EVA1C: variants seen among roughly 807,000 people sequenced by gnomAD.
The protein encoded by EVA1C is protein eva-1 homolog C.
EVA1C carries 25 observed loss-of-function variants against 45.4 expected under a neutral mutation model. The observed-to-expected ratio is 0.55, with a 90% confidence interval of 0.40 to 0.77. EVA1C has a LOEUF of 0.77. Ranked by LOEUF, EVA1C falls within the 30% of genes least tolerant of loss-of-function variation. The pLI is 0.00. For synonymous variants in EVA1C, 190 were observed against 221.2 expected, an observed-to-expected ratio of 0.86 and a Z score of 1.25; for missense variants, 479 against 554.8, an observed-to-expected ratio of 0.86 and a Z score of 1.37.
rs146672860 is a variant in EVA1C at position 32,506,785 on chromosome 21, C to T, written c.949+2770C>T. Among the ~76,000 whole-genome samples, 1,030 of 152,278 alleles carry T rather than the reference C, an allele frequency of 6.8e-3. 13 individuals carry two copies. Among genetic ancestry groups the T allele is most frequent in the African/African-American group, 0.023 (974 of 41,544 alleles). ...GCAGTGGCCACCAGCCAATGTCACA[C>T]AGTGCTGAGCTCCATCCTCACTGCT... On this transcript the variant is annotated intron_variant, in intron 7 of 7. Coordinates refer to ENST00000300255, the MANE Select transcript of EVA1C (RefSeq NM_058187.5).
chr21:32,446,344 G>A (rs1378694778), intron 1 of EVA1C, among the ~76,000 whole-genome samples: 1 of 152,188 alleles, frequency 6.6e-6, no homozygotes, highest in Non-Finnish European at 1.5e-5. Context: ...TTAACAGAGT[G>A]TGCACAACTG....
chr21:32,472,189 C>T (rs893931273), intron 4 of EVA1C, among the ~76,000 whole-genome samples: 13 of 152,118 alleles, frequency 8.5e-5, no homozygotes, highest in East Asian at 5.8e-4. Flanking sequence ...GACAGACTCT[C>T]GCTCTGTCGC....
Position 32,453,308 on chromosome 21 carries a change from C to T in EVA1C, c.161-4C>T, listed in dbSNP as rs1219932634. On this transcript the variant is annotated splice_polypyrimidine_tract_variant and splice_region_variant and intron_variant, in intron 1 of 7. Coordinates refer to ENST00000300255, the MANE Select transcript of EVA1C (RefSeq NM_058187.5). ...CTCTAGTAACTCGACTGAATATTTT[C>T]CAGGTTACCTAACCAAACTCCTGCA... is the stretch of plus-strand genomic sequence containing the variant. 4.4e-6 allele frequency: 7 copies of T among 1,586,792 alleles called. No individual in the cohort carries two copies. The African/African-American group carries it at 8.1e-5, about 18-fold the overall frequency.
chr21:32,459,821 A>AC (rs1193061630), intron 3 of EVA1C, among the ~76,000 whole-genome samples: 1 of 141,606 alleles, frequency 7.1e-6, no homozygotes, highest in East Asian at 2.4e-4. Context: ...AGCCTGGGTG[A>AC]CAGAGCGAGA....
chr21:32,511,438 A>AAG (rs1555876827), intron 7 of EVA1C, among the ~76,000 whole-genome samples: 3 of 148,798 alleles, frequency 2.0e-5, no homozygotes, highest in Non-Finnish European at 3.0e-5. Context: ...AAAAAAAAAA[A>AAG]AAAGAAAGAA....
At position 32,497,304 on chromosome 21, in the gene EVA1C, A is replaced by G. The variant is rs1424743695; in HGVS notation, c.778+2134A>G. 3 of 669,164 alleles carry G rather than the reference A, an allele frequency of 4.5e-6. No individual in the cohort carries two copies. In the African/African-American group the frequency reaches 5.4e-5, roughly 12 times the overall value. The allele number at this position is 669,164 out of a possible 1,614,324, so 41.5% of individuals were successfully genotyped here. On this transcript the variant is annotated intron_variant, in intron 5 of 7. Coordinates refer to ENST00000300255, the MANE Select transcript of EVA1C (RefSeq NM_058187.5). ...AGAAAACAAATCTCCAGATTGGCAG[A>G]AAGTTGATATAGGTGGACTTTTTTA...
At position 32,461,380 on chromosome 21, in the gene EVA1C, A is replaced by G. The variant is rs550297596; in HGVS notation, c.481+3660A>G. On this transcript the variant is annotated intron_variant, in intron 3 of 7. Coordinates refer to ENST00000300255, the MANE Select transcript of EVA1C (RefSeq NM_058187.5). ...CTGGCTGCCCCATAGAGAGCAGATG[A>G]GAGACAGAGCCCCTGTGTAACCTGA... Among the ~76,000 whole-genome samples, 28 of 152,280 alleles carry G rather than the reference A, an allele frequency of 1.8e-4. 1 individual carries two copies. In the South Asian group the frequency reaches 5.8e-3, roughly 32 times the overall value.
intron 7 of EVA1C, among the ~76,000 whole-genome samples, chr21:32,514,595 C>T (rs1413329309): frequency 6.6e-6 from 1 of 152,134 alleles, no homozygotes; most frequent in Non-Finnish European, 1.5e-5. Flanking sequence ...GTGTTTTTCT[C>T]CTACACATAC....
At chr21:32,433,553 G>T (rs200547968) in intron 1 of EVA1C, among the ~76,000 whole-genome samples, 2 of 136,176 alleles carry the variant, frequency 1.5e-5, no homozygotes, top group South Asian at 2.5e-4. Flanking sequence ...GAGAAACATC[G>T]CGTTGTTGTG....
rs2038094594 is a variant in EVA1C, at chr21:32,515,067, C to A, written c.1203C>A (p.Tyr401Ter). The A allele has an allele frequency of 1.1e-5, 17 of 1,614,044 alleles. No homozygotes were observed. Among genetic ancestry groups the A allele is most frequent in the South Asian group, 3.3e-5 (3 of 91,074 alleles). The change falls in exon 8 of 8, where the codon TAC (tyrosine) becomes TAA (stop). Residue 401 changes from tyrosine (Y) to a stop codon, truncating the protein, a stop_gained. Coordinates refer to ENST00000300255, the MANE Select transcript of EVA1C (RefSeq NM_058187.5). LOFTEE classifies it high-confidence loss of function. Reference sequence around the variant, plus strand: ...TCTGTAGGACTTCATATCCTATATACAGTTCCATAGAAGCTGCAGAGCTCG... The same window carrying A: ...TCTGTAGGACTTCATATCCTATATAAAGTTCCATAGAAGCTGCAGAGCTCG... ...SGFCRTSYPI[Y>*]SSIEAAELAE...
intron 4 of EVA1C, among the ~76,000 whole-genome samples, chr21:32,470,056 G>A (rs117210476): frequency 6.6e-6 from 1 of 152,324 alleles, no homozygotes; most frequent in East Asian, 1.9e-4. Flanking sequence ...AGACCCAGCT[G>A]TGAAACAGCC....
At position 32,474,010 on chromosome 21, in the gene EVA1C, C is replaced by T; in HGVS notation, c.634+6162C>T. On this transcript the variant is annotated intron_variant, in intron 4 of 7. Coordinates refer to ENST00000300255, the MANE Select transcript of EVA1C (RefSeq NM_058187.5). The surrounding 1 kb of genome is among the most constrained non-coding windows in gnomAD (Gnocchi z 4.4). ...GTATTCATCATAGCTCACTGCAAGCCTCCAACTCATGGGCTCAAGCAATTC... is the reference window on the plus strand; with the variant it reads ...GTATTCATCATAGCTCACTGCAAGCTTCCAACTCATGGGCTCAAGCAATTC... The T allele has an allele frequency of 4.2e-6, 4 of 944,754 alleles. No homozygotes were observed. The highest frequency in any genetic ancestry group is 5.0e-6 in the Non-Finnish European group (4 of 792,902). 58.5% of individuals were successfully genotyped at this position (944,754 alleles called of 1,614,324 possible).
chr21:32,512,147 G>A (rs187455581), intron 7 of EVA1C, among the ~76,000 whole-genome samples: 72 of 150,690 alleles, frequency 4.8e-4, no homozygotes, highest in Non-Finnish European at 9.9e-4. Context: ...GTCACCTTGA[G>A]GGGGAGGCAA....
Position 32,474,030 on chromosome 21 carries a change from CAATT to C in EVA1C, c.634+6183_634+6186del. The C allele has an allele frequency of 1.2e-6, 1 of 822,004 alleles. No homozygotes were observed. The highest frequency in any genetic ancestry group is 1.5e-6 in the Non-Finnish European group (1 of 680,874). The allele number at this position is 822,004 out of a possible 1,614,324, so 50.9% of individuals were successfully genotyped here. On this transcript the variant is annotated intron_variant, in intron 4 of 7. Transcript: ENST00000300255. The surrounding 1 kb of genome is among the most constrained non-coding windows in gnomAD (Gnocchi z 4.4). Reference sequence around the variant, plus strand: ...CAAGCCTCCAACTCATGGGCTCAAGCAATTCTCTCACCTCAGCCTCCTGAGTAGC... The same window carrying C: ...CAAGCCTCCAACTCATGGGCTCAAGCCTCTCACCTCAGCCTCCTGAGTAGC...
chr21:32,464,282 G>A (rs111604569), intron 3 of EVA1C, among the ~76,000 whole-genome samples: 10 of 152,112 alleles, frequency 6.6e-5, no homozygotes, highest in Non-Finnish European at 1.5e-4. Flanking sequence ...TTCTTCCTGC[G>A]TGTTAAACTA....
Position 32,444,091 on chromosome 21 carries a change from C to CACACACACAA in EVA1C, c.161-9220_161-9219insCACACACAAA, listed in dbSNP as rs1555855221. On this transcript the variant is annotated intron_variant, in intron 1 of 7. Transcript: ENST00000300255. ...ACACACACACACACACACACACACA[C>CACACACACAA]AAACTCAAAGTACTTTCTCTATTCT... Among the ~76,000 whole-genome samples, 202 of 146,388 alleles carry CACACACACAA rather than the reference C, an allele frequency of 1.4e-3. 3 individuals carry two copies. Among genetic ancestry groups the CACACACACAA allele is most frequent in the Middle Eastern group, 6.8e-3 (2 of 292 alleles).
intron 1 of EVA1C, 144 bp from the exon 2 acceptor site, chr21:32,453,168 C>T: frequency 1.7e-6 from 1 of 575,420 alleles, no homozygotes. Context: ...GTGACCTCTG[C>T]ACCAGAGCTG....
At chr21:32,475,615 T>A (rs1257468653) in intron 4 of EVA1C, among the ~76,000 whole-genome samples, 1 of 152,032 alleles carries the variant, frequency 6.6e-6, no homozygotes, top group Non-Finnish European at 1.5e-5. Context: ...CCAAAAAAAA[T>A]CCTAACAATG....
intron 5 of EVA1C, among the ~76,000 whole-genome samples, chr21:32,499,872 T>C (rs2037472013): frequency 6.6e-6 from 1 of 152,180 alleles, no homozygotes; most frequent in African/African-American, 2.4e-5. Flanking sequence ...GCCGGCTGCT[T>C]TGCCTGGGGA....
Sources: allele counts gnomAD v4.1 joint callset (sites outside exome capture counted in the v4.1 genomes callset), GRCh38; gene constraint gnomAD v4.1.1; non-coding constraint Gnocchi (gnomAD v3.1); transcripts MANE v1.5; gene names NCBI Gene and HGNC (gene_info 2026-07-23, HGNC 2026-07-21).